The following ZMYND11 variants were observed in gnomAD, a reference collection of about 807,000 sequenced individuals.
The protein encoded by ZMYND11 is zinc finger MYND domain-containing protein 11.
Under a neutral mutation model 84.9 loss-of-function variants are expected in ZMYND11, and 9 were observed. The ratio of observed to expected loss-of-function variants is 0.11; its 90% CI spans 0.06 to 0.18. The LOEUF is 0.18. ZMYND11 is among the 10% of genes least tolerant of loss of function. The probability of loss-of-function intolerance (pLI) is 1.00; values close to 1 mark genes in which losing one functional copy is unlikely to be tolerated. For missense variants in ZMYND11, 409 were observed against 761.0 expected (o/e 0.54, Z 5.44); for synonymous variants, 250 against 244.1 (o/e 1.02, Z -0.23).
At chr10:250,264 C>T (rs1953139579) in intron 14 of ZMYND11, among the ~76,000 whole-genome samples, 1 of 152,204 alleles carries the variant, frequency 6.6e-6, no homozygotes, top group South Asian at 2.1e-4. Context: ...ACAAGAATGA[C>T]TGAATTTGTG....
chr10:201,585 T>TACACACACACACACACACACACACACAC (rs56058145), intron 2 of ZMYND11, among the ~76,000 whole-genome samples: 2,265 of 146,070 alleles, frequency 0.016, 28 homozygotes, highest in Admixed American at 0.02. Context: ...TACCATGAAA[T>TACACACACACACACACACACACACACAC]ACACACACAC....
chr10:228,308 G>T (rs191204272), intron 4 of ZMYND11, among the ~76,000 whole-genome samples: 1 of 152,298 alleles, frequency 6.6e-6, no homozygotes, highest in Admixed American at 6.5e-5. Flanking sequence ...GGTGTATTTG[G>T]CCTTTGTGAT....
At chr10:170,112 G>A (rs1204222260) in intron 1 of ZMYND11, among the ~76,000 whole-genome samples, 2 of 152,060 alleles carry the variant, frequency 1.3e-5, no homozygotes, top group South Asian at 2.1e-4. Context: ...CAAGCAGGAC[G>A]AGTTGGAATG....
chr10:244,527 C>T (rs1266063221), intron 10 of ZMYND11: 1 of 152,266 alleles, frequency 6.6e-6, no homozygotes, highest in Non-Finnish European at 1.5e-5. Context: ...GCTGATAAGA[C>T]CTGTCTTAAG....
chr10:178,844 A>G (rs966614898), intron 1 of ZMYND11, among the ~76,000 whole-genome samples: 10 of 152,142 alleles, frequency 6.6e-5, no homozygotes, highest in African/African-American at 2.4e-4. Flanking sequence ...TTTGATAGCA[A>G]CTATATAGTT....
At chr10:243,869 A>T (rs370974930) in intron 10 of ZMYND11, among the ~76,000 whole-genome samples, 5 of 152,158 alleles carry the variant, frequency 3.3e-5, no homozygotes, top group Admixed American at 6.5e-5. Context: ...CGTCTCAAAA[A>T]AATAATAATA....
intron 1 of ZMYND11, among the ~76,000 whole-genome samples, chr10:171,334 A>G (rs980610247): frequency 1.3e-5 from 2 of 152,330 alleles, no homozygotes; most frequent in African/African-American, 2.4e-5. Context: ...ATTGACATCT[A>G]TAGATTACAT....
In ZMYND11 at chr10:135,797, C is replaced by G. The variant is rs1554751852; in HGVS notation, c.-20+238C>G. Among the ~76,000 whole-genome samples, 2 of 148,368 alleles carry G rather than the reference C, an allele frequency of 1.3e-5. No homozygotes were observed. Among genetic ancestry groups the G allele is most frequent in the Non-Finnish European group, 3.0e-5 (2 of 66,606 alleles). ...CGGCGGCGGGGCCTGCGGAGGCTGC[C>G]GGCCCGCGCCCACTCGCCTTGGGCG... On this transcript the variant is annotated intron_variant, in intron 1 of 14. Coordinates refer to ENST00000381604, the MANE Select transcript of ZMYND11 (RefSeq NM_001370100.5). This position sits in a 1 kb window ranked among gnomAD's most constrained non-coding sequence, Gnocchi z 5.6.
chr10:151,880 T>C (rs1840457602), intron 1 of ZMYND11, among the ~76,000 whole-genome samples: 1 of 152,190 alleles, frequency 6.6e-6, no homozygotes, highest in African/African-American at 2.4e-5. Flanking sequence ...GCAGAAACTC[T>C]ACAAGCCAGA....
At chr10:244,525 G>T (rs1951718119) in intron 10 of ZMYND11, 2 of 152,288 alleles carry the variant, frequency 1.3e-5, no homozygotes, top group South Asian at 4.1e-4. Context: ...TAGCTGATAA[G>T]ACCTGTCTTA....
chr10:173,335 G>A (rs1286315710), intron 1 of ZMYND11, among the ~76,000 whole-genome samples: 1 of 152,178 alleles, frequency 6.6e-6, no homozygotes, highest in Non-Finnish European at 1.5e-5. Context: ...ATAATGTCAA[G>A]AAATTGTGAT....
intron 13 of ZMYND11, 79 bp downstream of exon 13, chr10:248,687 A>C (rs776164110): frequency 8.0e-6 from 12 of 1,492,124 alleles, no homozygotes; most frequent in Non-Finnish European, 9.8e-6. Flanking sequence ...CTCATGCATC[A>C]ACCCAGTAGC....
intron 2 of ZMYND11, among the ~76,000 whole-genome samples, chr10:202,839 C>A (rs1209230628): frequency 6.6e-6 from 1 of 152,096 alleles, no homozygotes; most frequent in East Asian, 1.9e-4. Context: ...GGACTAACAA[C>A]AAAGCAGACC....
chr10:190,966 T>C (rs1474193781), intron 2 of ZMYND11, among the ~76,000 whole-genome samples: 1 of 152,136 alleles, frequency 6.6e-6, no homozygotes, highest in East Asian at 1.9e-4. Flanking sequence ...CTGCTTCCTT[T>C]TGATGGTGAG....
intron 1 of ZMYND11, chr10:148,041 G>C (rs1554755874): frequency 1.3e-5 from 2 of 152,240 alleles, no homozygotes; most frequent in African/African-American, 4.8e-5. Context: ...ACCTGAGAAA[G>C]TTTTTCAGGC....
At chr10:231,045 A>C (rs1006823889) in intron 4 of ZMYND11, among the ~76,000 whole-genome samples, 3 of 152,220 alleles carry the variant, frequency 2.0e-5, no homozygotes, top group African/African-American at 7.2e-5. Flanking sequence ...TGTGACATGA[A>C]AATTATAAAA....
chr10:161,913 G>A (rs572666486), intron 1 of ZMYND11, among the ~76,000 whole-genome samples: 3 of 152,270 alleles, frequency 2.0e-5, no homozygotes, highest in South Asian at 2.1e-4. Flanking sequence ...CTGAAAGAAC[G>A]CTTTTAATTT....
chr10:200,330 AT>A (rs1942890509), intron 2 of ZMYND11, among the ~76,000 whole-genome samples: 1 of 145,080 alleles, frequency 6.9e-6, no homozygotes, highest in African/African-American at 2.5e-5. Flanking sequence ...TATAATATGT[AT>A]TATATATAAC....
chr10:166,361 G>T (rs782233769), intron 1 of ZMYND11, among the ~76,000 whole-genome samples: 2 of 152,006 alleles, frequency 1.3e-5, no homozygotes, highest in Non-Finnish European at 2.9e-5. Flanking sequence ...TACTGGATTG[G>T]TATCTAGAAT....
Sources: gnomAD v4.1 joint callset for allele counts (sites outside exome capture counted in the v4.1 genomes callset) on GRCh38, gnomAD v4.1.1 for gene constraint, Gnocchi (gnomAD v3.1) non-coding constraint, MANE v1.5 for transcripts, NCBI Gene and HGNC (gene_info 2026-07-23, HGNC 2026-07-21) for gene names.